RYR1: variants seen among roughly 807,000 people sequenced by gnomAD.
The protein encoded by RYR1 is central core disease of muscle.
RYR1 carries 342 observed loss-of-function variants against 583.5 expected under a neutral mutation model. The observed-to-expected ratio is 0.59, with a 90% CI of 0.54 to 0.64. The LOEUF (loss-of-function observed/expected upper bound fraction) is 0.64. RYR1 is among the 30% of genes least tolerant of loss of function. The pLI, the probability that RYR1 is intolerant of heterozygous loss-of-function variation, is 0.00. For missense variants in RYR1, 6,032 were observed against 6,917.2 expected (o/e 0.87, Z 4.54); for synonymous variants, 2,791 against 2,822.5 (o/e 0.99, Z 0.35).
chr19:38,572,982 C>T (rs1973790832), intron 95 of RYR1, among the ~76,000 whole-genome samples, 195 bp from the exon 96 acceptor site: 1 of 151,940 alleles, frequency 6.6e-6, no homozygotes, highest in South Asian at 2.1e-4. Context: ...CATCCCTGCC[C>T]TGACCCCTCT....
At position 38,483,053 on chromosome 19, in the gene RYR1, T is replaced by C; in HGVS notation, c.4647T>C (p.Pro1549=). ...FQVEPNTKLF[P]AVFVLPTHQN... ...TGGAACCCAACACTAAGCTATTTCC[T>C]GCCGTCTTCGTCCTGCCCACCCACC... The change falls in exon 32 of 106, where the codon CCT becomes CCC. Residue 1549 remains proline, a synonymous_variant. Coordinates refer to ENST00000359596, the MANE Select transcript of RYR1 (RefSeq NM_000540.3). The surrounding 1 kb of genome is among the most constrained non-coding windows in gnomAD (Gnocchi z 6.3). 1.2e-6 allele frequency: 2 copies of C among 1,614,144 alleles called. No individual in the cohort carries two copies. The highest frequency in any genetic ancestry group is 1.7e-6 in the Non-Finnish European group (2 of 1,180,014).
Position 38,523,022 on chromosome 19 carries a change from C to T in RYR1, c.10260-6C>T, listed in dbSNP as rs1196443583. On this transcript the variant is annotated splice_polypyrimidine_tract_variant and splice_region_variant and intron_variant, in intron 67 of 105. Transcript: ENST00000359596. Reference sequence around the variant, plus strand: ...CCCTCCCTCACCTCCCCTCCGCTGACCCCAGGGCGCAGTGGCTGACGGAGC... The same window carrying T: ...CCCTCCCTCACCTCCCCTCCGCTGATCCCAGGGCGCAGTGGCTGACGGAGC... 3.2e-6 allele frequency: 5 copies of T among 1,586,910 alleles called. No individual in the cohort carries two copies. In the South Asian group the frequency reaches 5.7e-5, roughly 18 times the overall value.
intron 64 of RYR1, 86 bp downstream of exon 64, chr19:38,515,193 G>GC (rs1464268443): frequency 8.8e-6 from 9 of 1,023,184 alleles, no homozygotes; most frequent in Non-Finnish European, 1.4e-5. Flanking sequence ...TGGGTGAAAA[G>GC]CAGGGTAGAT....
chr19:38,473,316 G>A, intron 27 of RYR1, 61 bp from the exon 28 acceptor site: 1 of 1,602,904 alleles, frequency 6.2e-7, no homozygotes, highest in Non-Finnish European at 8.5e-7. Context: ...ACCAGGTGTA[G>A]GACCAACGGC....
intron 64 of RYR1, 57 bp from the exon 65 acceptor site, chr19:38,516,030 G>C: frequency 6.5e-7 from 1 of 1,530,398 alleles, no homozygotes; most frequent in South Asian, 1.2e-5. Flanking sequence ...ATGGGGCTGG[G>C]ACCCAGGACC....
Position 38,499,336 on chromosome 19 carries a change from T to A in RYR1, c.7027+93T>A. The A allele has an allele frequency of 1.3e-6, 2 of 1,591,462 alleles. No homozygotes were observed. The highest frequency in any genetic ancestry group is 1.7e-6 in the Non-Finnish European group (2 of 1,161,476). On this transcript the variant is annotated intron_variant, in intron 43 of 105. Coordinates refer to ENST00000359596, the MANE Select transcript of RYR1 (RefSeq NM_000540.3). The surrounding 1 kb of genome is among the most constrained non-coding windows in gnomAD (Gnocchi z 7.3). ...GACTGCTCGCACCCTGAGCCACAGA[T>A]GGGGTCCAGGCAGGAATCCCTTCCA...
At chr19:38,471,771 G>A (rs1184194954) in intron 27 of RYR1, among the ~76,000 whole-genome samples, 4 of 151,590 alleles carry the variant, frequency 2.6e-5, no homozygotes, top group Non-Finnish European at 5.9e-5. Context: ...GCATGGTGCC[G>A]GGCGCCTGTA....
In RYR1 at chr19:38,561,904, TCA is replaced by T. The variant is rs570235290; in HGVS notation, c.12624+452_12624+453del. Among the ~76,000 whole-genome samples, 319 of 152,222 alleles carry T rather than the reference TCA, an allele frequency of 2.1e-3. No individual in the cohort carries two copies. The highest frequency in any genetic ancestry group is 3.0e-3 in the Non-Finnish European group (207 of 67,994). ...TCTCTTGGTCCTGGCCCGCTCATGC[TCA>T]CTCTTGTACACGCTCGCCTTGGGGG... On this transcript the variant is annotated intron_variant, in intron 90 of 105. Transcript: ENST00000359596. The surrounding 1 kb of genome is among the most constrained non-coding windows in gnomAD (Gnocchi z 4.8).
At chr19:38,463,660 G>T (rs993281392) in intron 21 of RYR1, 87 bp from the exon 22 acceptor site, 50 of 1,477,650 alleles carry the variant, frequency 3.4e-5, no homozygotes, top group Non-Finnish European at 4.5e-5. Flanking sequence ...GGCAGAACTA[G>T]GGTTGGAGGT....
chr19:38,462,994 T>G lies in RYR1; in HGVS notation c.2578-429T>G, dbSNP rs113501171. 5.2e-3 allele frequency among the ~76,000 whole-genome samples: 764 copies of G among 146,430 alleles called. 5 individuals are homozygous for G. The highest frequency in any genetic ancestry group is 0.018 in the African/African-American group (726 of 39,630). The stretch of plus-strand genomic sequence containing the variant: ...TCACTGCAACCTCTGCCTCCAGAGT[T>G]CAAGCAATTCTCCTGCCTTAGCCTC... On this transcript the variant is annotated intron_variant, in intron 20 of 105. Transcript: ENST00000359596.
rs1342192000 is a variant in RYR1, at chr19:38,578,160, G to A, written c.14320G>A (p.Val4774Ile). The change falls in exon 99 of 106, where the codon GTC becomes ATC. Residue 4774 changes from valine (V) to isoleucine (I), a missense_variant. Physicochemically the swap from Val to Ile is conservative, Grantham distance 29. Coordinates refer to ENST00000359596, the MANE Select transcript of RYR1 (RefSeq NM_000540.3). ...GLLTWLMSID[V>I]KYQIWKFGVI... ...CCCCCACAGGCTCATGTCCATCGAT[G>A]TCAAGTACCAGATCTGGAAGTTCGG... 1 of 1,613,720 alleles carries A rather than the reference G, an allele frequency of 6.2e-7. No individual in the cohort carries two copies. The highest frequency in any genetic ancestry group is 1.1e-5 in the South Asian group (1 of 91,026).
intron 19 of RYR1, among the ~76,000 whole-genome samples, chr19:38,460,044 C>T (rs1454304849): frequency 6.6e-6 from 1 of 152,130 alleles, no homozygotes; most frequent in Non-Finnish European, 1.5e-5. Context: ...ATTGGTCTCC[C>T]CAACCTTCCA....
At chr19:38,578,247 G>C (rs754892389) in intron 99 of RYR1, 43 bp downstream of exon 99, 1 of 1,600,588 alleles carries the variant, frequency 6.2e-7, no homozygotes, top group South Asian at 1.1e-5. Flanking sequence ...CTGCAGGGGT[G>C]GGGCGTTAGG....
chr19:38,585,128 C>T, intron 102 of RYR1, 29 bp downstream of exon 102: 1 of 1,611,102 alleles, frequency 6.2e-7, no homozygotes, highest in African/African-American at 1.3e-5. Context: ...CGCTCAGGGC[C>T]CGGAGGCAGG....
chr19:38,511,586 G>A lies in RYR1; in HGVS notation c.9148G>A (p.Val3050Ile), dbSNP rs200797340. The change falls in exon 61 of 106, where the codon GTC (valine) becomes ATC (isoleucine). Residue 3050 changes from valine to isoleucine, a missense_variant. By Grantham distance (29) the Val-to-Ile change is conservative. Coordinates refer to ENST00000359596, the MANE Select transcript of RYR1 (RefSeq NM_000540.3). ...CCTCTTCTGCAAACTTGCTGCTCTCGTCCGCCACCGAGTCTCTCTCTTTGG... is the reference window on the plus strand; with the variant it reads ...CCTCTTCTGCAAACTTGCTGCTCTCATCCGCCACCGAGTCTCTCTCTTTGG... ...TSLFCKLAALVRHRVSLFGTD... is the reference protein window; with the variant it reads ...TSLFCKLAALIRHRVSLFGTD... The A allele has an allele frequency of 9.9e-5, 160 of 1,613,694 alleles. 1 individual carries two copies. In the Middle Eastern group the frequency reaches 1.2e-3, roughly 12 times the overall value.
rs757011909 is a variant in RYR1 at position 38,565,658 on chromosome 19, G to A, written c.13324G>A (p.Asp4442Asn). The A allele has an allele frequency of 1.2e-5, 16 of 1,389,734 alleles. 1 individual carries two copies. Among genetic ancestry groups the A allele is most frequent in the Admixed American group, 7.3e-5 (2 of 27,420 alleles). 86.1% of individuals were successfully genotyped at this position (1,389,734 alleles called of 1,614,324 possible). A position where few individuals can be genotyped will look rare whatever the true frequency, so the allele number is the denominator to read the frequency against. Reference sequence around the variant, plus strand: ...TGCCGACGGGGCGGTGGCCGTGACCGATGGGGGCCCCTTCCGGCCCGAAGG... The same window carrying A: ...TGCCGACGGGGCGGTGGCCGTGACCAATGGGGGCCCCTTCCGGCCCGAAGG... ...GGADGAVAVT[D>N]GGPFRPEGAG... The change falls in exon 91 of 106, where the codon GAT becomes AAT. Residue 4442 changes from aspartate to asparagine, a missense_variant. Around this residue, in one of 11 missense-constraint regions of RYR1, gnomAD observed 753 missense variants for 759.6 expected, o/e 0.99. Coordinates refer to ENST00000359596, the MANE Select transcript of RYR1 (RefSeq NM_000540.3). The surrounding 1 kb of genome is among the most constrained non-coding windows in gnomAD (Gnocchi z 4.7).
Position 38,527,771 on chromosome 19 carries a change from A to G in RYR1, c.10811A>G (p.Tyr3604Cys), listed in dbSNP as rs1971535193. Residue 3604 changes from tyrosine to cysteine, a missense_variant, in exon 73 of 106, where the codon TAC (tyrosine) becomes TGC (cysteine). Tyr to Cys is a radical substitution (Grantham distance 194). This residue lies in a region of RYR1 where 1,493 missense variants were observed against 1,715.5 expected (regional missense o/e 0.87). Coordinates refer to ENST00000359596, the MANE Select transcript of RYR1 (RefSeq NM_000540.3). The stretch of plus-strand genomic sequence containing the variant: ...GTCCAGGAAGTGTCAGCCGTGCTCT[A>G]CTACCTGGACCAGGTGGGTGGGGCC... ...RRVQEVSAVL[Y>C]YLDQTEHPYK... is the part of the protein sequence containing the mutation. 6.2e-7 allele frequency: 1 copy of G among 1,613,340 alleles called. No homozygotes were observed. The highest frequency in any genetic ancestry group is 8.5e-7 in the Non-Finnish European group (1 of 1,179,808).
In RYR1 at chr19:38,528,675, C is replaced by A. The variant is rs765145018; in HGVS notation, c.11014C>A (p.Arg3672Ser). Reference protein sequence around the residue: ...ILTEDHSFEDRMIDDLSKAGE... With the variant: ...ILTEDHSFEDSMIDDLSKAGE... Reference sequence around the variant, plus strand: ...GACTGAAGACCACAGTTTTGAGGACCGCATGATAGATGACCTTTCAGTGAG... The same window carrying A: ...GACTGAAGACCACAGTTTTGAGGACAGCATGATAGATGACCTTTCAGTGAG... Residue 3672 changes from arginine (R) to serine (S), a missense_variant, in exon 75 of 106, where the codon CGC becomes AGC. Around this residue, in one of 11 missense-constraint regions of RYR1, gnomAD observed 1,493 missense variants for 1,715.5 expected, o/e 0.87. Coordinates refer to ENST00000359596, the MANE Select transcript of RYR1 (RefSeq NM_000540.3). 16 of 1,613,980 alleles carry A rather than the reference C, an allele frequency of 9.9e-6. No homozygotes were observed. The highest frequency in any genetic ancestry group is 8.5e-6 in the Non-Finnish European group (10 of 1,180,000).
At chr19:38,438,159 C>G (rs1372968441) in intron 1 of RYR1, among the ~76,000 whole-genome samples, 1 of 151,760 alleles carries the variant, frequency 6.6e-6, no homozygotes, top group Non-Finnish European at 1.5e-5. Context: ...GATGAGCAGG[C>G]CTGATTCCTT....
Sources: allele counts gnomAD v4.1 joint callset (sites outside exome capture counted in the v4.1 genomes callset), GRCh38; gene constraint gnomAD v4.1.1; regional missense constraint gnomAD v4.1.1; non-coding constraint Gnocchi (gnomAD v3.1); transcripts MANE v1.5; gene names NCBI Gene and HGNC (gene_info 2026-07-23, HGNC 2026-07-21).